CNTN4: variants seen among roughly 807,000 people sequenced by gnomAD.
CNTN4 encodes the protein contactin-4.
CNTN4 carries 77 observed loss-of-function variants against 122.5 expected under a neutral mutation model. That is an observed-to-expected ratio of 0.63 (90% CI 0.52 to 0.76). The LOEUF (loss-of-function observed/expected upper bound fraction) is 0.76. Among genes scored for constraint, CNTN4 ranks in the 30% least tolerant of loss-of-function variants. The probability of loss-of-function intolerance (pLI) is 0.00; values close to 1 mark genes in which losing one functional copy is unlikely to be tolerated. For missense variants in CNTN4, 1,256 were observed against 1,259.1 expected, an observed-to-expected ratio of 1.00 and a Z score of 0.04; for synonymous variants, 512 against 447.0, an observed-to-expected ratio of 1.15 and a Z score of -1.83.
At chr3:2,276,283 C>T (rs186250027) in intron 2 of CNTN4, among the ~76,000 whole-genome samples, 1 of 152,122 alleles carries the variant, frequency 6.6e-6, no homozygotes, top group Non-Finnish European at 1.5e-5. Flanking sequence ...AGTGATTCTC[C>T]TGCCTCAGCC....
At chr3:2,667,507 G>A (rs1373295910) in intron 4 of CNTN4, among the ~76,000 whole-genome samples, 3 of 152,050 alleles carry the variant, frequency 2.0e-5, no homozygotes, top group Admixed American at 2.0e-4. Context: ...TGTCAGATGA[G>A]TAGATTACAA....
chr3:2,419,802 T>C (rs755854567), intron 3 of CNTN4, among the ~76,000 whole-genome samples: 7 of 152,220 alleles, frequency 4.6e-5, no homozygotes, highest in Non-Finnish European at 7.3e-5. Flanking sequence ...TTTATACAAA[T>C]GTGTGTGGTT....
chr3:2,891,524 G>A (rs2094040682), intron 10 of CNTN4, among the ~76,000 whole-genome samples: 1 of 152,170 alleles, frequency 6.6e-6, no homozygotes, highest in Admixed American at 6.5e-5. Context: ...AGATGAAGTA[G>A]TCAGGAAAGA....
At position 2,988,573 on chromosome 3, in the gene CNTN4, A is replaced by G. The variant is rs188190690; in HGVS notation, c.1486+101A>G. The stretch of plus-strand genomic sequence containing the variant: ...ATCATTCATATTAATATGTACAGAT[A>G]CCACTGTATTGCTAAATTAATTCAT... On this transcript the variant is annotated intron_variant, in intron 14 of 24. Coordinates refer to ENST00000418658, the MANE Select transcript of CNTN4 (RefSeq NM_175607.3). The G allele has an allele frequency of 1.2e-4, 138 of 1,186,092 alleles. 2 individuals carry two copies. The East Asian group carries it at 3.2e-3, about 27-fold the overall frequency. The allele number at this position is 1,186,092 out of a possible 1,614,324, so 73.5% of individuals were successfully genotyped here.
chr3:2,896,095 G>A (rs1251376570), intron 10 of CNTN4, among the ~76,000 whole-genome samples: 1 of 152,002 alleles, frequency 6.6e-6, no homozygotes, highest in Non-Finnish European at 1.5e-5. Flanking sequence ...GACATCATTA[G>A]GTCCAAACGA....
chr3:2,599,013 A>G (rs2080902929), intron 4 of CNTN4, among the ~76,000 whole-genome samples: 1 of 152,246 alleles, frequency 6.6e-6, no homozygotes, highest in Non-Finnish European at 1.5e-5. Flanking sequence ...CATTATTGGT[A>G]ATAACTGACA....
intron 3 of CNTN4, among the ~76,000 whole-genome samples, chr3:2,476,760 T>G (rs2151544897): frequency 6.6e-6 from 1 of 152,336 alleles, no homozygotes; most frequent in African/African-American, 2.4e-5. Context: ...TTAAATATTC[T>G]AAAAACTCCT....
At chr3:2,178,065 G>C (rs1442546807) in intron 2 of CNTN4, among the ~76,000 whole-genome samples, 1 of 151,942 alleles carries the variant, frequency 6.6e-6, no homozygotes, top group African/African-American at 2.4e-5. Context: ...ACTTCATCCT[G>C]GAATGGTAGC....
At chr3:2,994,587 A>AT (rs1350548694) in intron 14 of CNTN4, among the ~76,000 whole-genome samples, 1 of 134,914 alleles carries the variant, frequency 7.4e-6, no homozygotes, top group African/African-American at 3.2e-5. Context: ...AAATCAACAG[A>AT]TTTTTTCATA....
At chr3:2,211,479 C>G (rs1423617473) in intron 2 of CNTN4, among the ~76,000 whole-genome samples, 1 of 152,098 alleles carries the variant, frequency 6.6e-6, no homozygotes, top group Non-Finnish European at 1.5e-5. Context: ...CTATGCCCCA[C>G]ATTGATTTTC....
intron 4 of CNTN4, among the ~76,000 whole-genome samples, chr3:2,710,311 A>G (rs2087059144): frequency 6.6e-6 from 1 of 152,204 alleles, no homozygotes; most frequent in South Asian, 2.1e-4. Context: ...GGCCAAATGT[A>G]AGAAGCAATT....
chr3:2,209,626 C>T (rs2038518207), intron 2 of CNTN4, among the ~76,000 whole-genome samples: 2 of 152,184 alleles, frequency 1.3e-5, no homozygotes, highest in South Asian at 4.2e-4. Flanking sequence ...GGTATCTTCC[C>T]ATTGAAAAGG....
At chr3:2,637,570 T>C (rs533802347) in intron 4 of CNTN4, among the ~76,000 whole-genome samples, 1 of 152,136 alleles carries the variant, frequency 6.6e-6, no homozygotes, top group Non-Finnish European at 1.5e-5. Flanking sequence ...CACCCCGTGA[T>C]TGGTCCCTGC....
At chr3:2,815,372 C>T (rs535377816) in intron 6 of CNTN4, among the ~76,000 whole-genome samples, 50 of 152,154 alleles carry the variant, frequency 3.3e-4, no homozygotes, top group African/African-American at 1.0e-3. Context: ...GACTCTACAA[C>T]GAACTCAAAC....
intron 6 of CNTN4, among the ~76,000 whole-genome samples, chr3:2,808,670 G>C (rs1462605551): frequency 6.6e-6 from 1 of 152,132 alleles, no homozygotes; most frequent in Non-Finnish European, 1.5e-5. Context: ...GGGGTGAGTG[G>C]GCGAGTGGGT....
At chr3:2,255,728 C>A (rs2040561073) in intron 2 of CNTN4, among the ~76,000 whole-genome samples, 1 of 152,122 alleles carries the variant, frequency 6.6e-6, no homozygotes, top group Non-Finnish European at 1.5e-5. Flanking sequence ...TAAATAAGTT[C>A]TTTGAAACCA....
chr3:3,004,280 C>G (rs527368202), intron 14 of CNTN4, among the ~76,000 whole-genome samples: 109 of 152,274 alleles, frequency 7.2e-4, no homozygotes, highest in African/African-American at 2.5e-3. Context: ...CTTTTCTCCT[C>G]TCAGTTACTT....
intron 7 of CNTN4, among the ~76,000 whole-genome samples, chr3:2,851,577 A>G (rs1023823654): frequency 1.3e-5 from 2 of 152,138 alleles, no homozygotes; most frequent in Non-Finnish European, 2.9e-5. Context: ...ATGATTTCTC[A>G]CCTTCGCTTG....
chr3:2,292,173 T>TA (rs2042159302), intron 2 of CNTN4, among the ~76,000 whole-genome samples: 1 of 152,234 alleles, frequency 6.6e-6, no homozygotes, highest in South Asian at 2.1e-4. Context: ...CTACGGCACT[T>TA]ATCTGTCCCA....
Sources: gnomAD v4.1 joint callset for allele counts (sites outside exome capture counted in the v4.1 genomes callset) on GRCh38, gnomAD v4.1.1 for gene constraint, MANE v1.5 for transcripts, NCBI Gene and HGNC (gene_info 2026-07-23, HGNC 2026-07-21) for gene names.